FHIT: variants seen among roughly 807,000 people sequenced by gnomAD.
The protein encoded by FHIT is fragile histidine triad diadenosine triphosphatase, also known as bis(5'-adenosyl)-triphosphatase.
In FHIT, 19 loss-of-function variants were observed where a neutral mutation model predicts 17.9. That is an observed-to-expected ratio of 1.06 (90% CI 0.74 to 1.56). The LOEUF (loss-of-function observed/expected upper bound fraction) is 1.56, where lower values mean the gene tolerates loss of function less well. FHIT is among the 40% of genes most tolerant of loss of function. The pLI is 0.00. For synonymous variants in FHIT, 81 were observed against 69.7 expected (o/e 1.16, Z -0.81); for missense variants, 248 against 189.2 (o/e 1.31, Z -1.82).
chr3:60,662,739 A>T (rs560031996), intron 4 of FHIT, among the ~76,000 whole-genome samples: 3 of 152,088 alleles, frequency 2.0e-5, no homozygotes, highest in East Asian at 3.9e-4. Flanking sequence ...AGTGTTTTGT[A>T]GTTTTCCTTG....
At chr3:60,708,153 A>G (rs1464020218) in intron 4 of FHIT, among the ~76,000 whole-genome samples, 1 of 152,208 alleles carries the variant, frequency 6.6e-6, no homozygotes, top group Non-Finnish European at 1.5e-5. Flanking sequence ...ATTTTATCCT[A>G]GTAATTATGG....
At chr3:59,839,160 T>C (rs1701441091) in intron 8 of FHIT, among the ~76,000 whole-genome samples, 1 of 151,422 alleles carries the variant, frequency 6.6e-6, no homozygotes, top group Non-Finnish European at 1.5e-5. Context: ...CTACTAAAAA[T>C]GCAAAAAAAT....
intron 2 of FHIT, among the ~76,000 whole-genome samples, chr3:61,181,893 T>C (rs977969823): frequency 6.6e-6 from 1 of 152,206 alleles, no homozygotes; most frequent in African/African-American, 2.4e-5. Context: ...TACATTTCTG[T>C]TCTATAAGTG....
At chr3:60,102,255 G>A (rs758329498) in intron 5 of FHIT, among the ~76,000 whole-genome samples, 1 of 152,180 alleles carries the variant, frequency 6.6e-6, no homozygotes, top group African/African-American at 2.4e-5. Context: ...GCTGAGGGCC[G>A]CCAATGTTGG....
intron 4 of FHIT, among the ~76,000 whole-genome samples, chr3:60,643,523 A>C (rs1273030802): frequency 1.2e-4 from 19 of 152,210 alleles, no homozygotes; most frequent in African/African-American, 3.9e-4. Flanking sequence ...AGTGATCTTA[A>C]CTGTACCAAG....
intron 3 of FHIT, among the ~76,000 whole-genome samples, chr3:60,926,751 T>C (rs1707639983): frequency 1.3e-5 from 2 of 152,058 alleles, no homozygotes; most frequent in Non-Finnish European, 2.9e-5. Flanking sequence ...CTTCAAAAAA[T>C]CAATGAATCC....
chr3:60,540,429 T>C (rs1467490353), intron 4 of FHIT, among the ~76,000 whole-genome samples: 2 of 152,202 alleles, frequency 1.3e-5, no homozygotes, highest in African/African-American at 4.8e-5. Context: ...GCAACTGGTG[T>C]CTGAAAGTCA....
At chr3:59,781,499 C>A (rs1702580476) in intron 8 of FHIT, among the ~76,000 whole-genome samples, 1 of 152,140 alleles carries the variant, frequency 6.6e-6, no homozygotes, top group African/African-American at 2.4e-5. Context: ...AGCTAAAGTT[C>A]AACTTCTACC....
chr3:59,920,241 T>G (rs1705336419), intron 8 of FHIT, among the ~76,000 whole-genome samples: 1 of 152,232 alleles, frequency 6.6e-6, no homozygotes, highest in Non-Finnish European at 1.5e-5. Context: ...CCACTGGGAT[T>G]TGAACTTACT....
chr3:60,023,410 G>A (rs902875392), intron 5 of FHIT, among the ~76,000 whole-genome samples: 1 of 152,170 alleles, frequency 6.6e-6, no homozygotes, highest in Non-Finnish European at 1.5e-5. Context: ...CCATAGGGTG[G>A]CTAGAGTGAA....
chr3:60,233,523 C>T (rs940610001), intron 5 of FHIT, among the ~76,000 whole-genome samples: 4 of 152,132 alleles, frequency 2.6e-5, no homozygotes, highest in Non-Finnish European at 4.4e-5. Context: ...CTTCCCTCCC[C>T]GCTCTCCTCC....
In FHIT at chr3:60,369,506, G is replaced by T. The variant is rs111892279; in HGVS notation, c.103+167354C>A. ...ATAATTATGAATGATATATCCCAAG[G>T]TGTCTGGATTATCTTTTCTTCCCTT... is the stretch of plus-strand genomic sequence containing the variant. On this transcript the variant is annotated intron_variant, in intron 5 of 9. Coordinates refer to ENST00000492590, the MANE Select transcript of FHIT (RefSeq NM_002012.4). 8.6e-3 allele frequency among the ~76,000 whole-genome samples: 1,314 copies of T among 152,174 alleles called. 24 individuals carry two copies. Among genetic ancestry groups the T allele is most frequent in the African/African-American group, 0.03 (1,231 of 41,492 alleles).
At chr3:60,947,733 A>C (rs898536156) in intron 3 of FHIT, among the ~76,000 whole-genome samples, 1 of 152,310 alleles carries the variant, frequency 6.6e-6, no homozygotes, top group African/African-American at 2.4e-5. Context: ...ACAACTGTCC[A>C]TCTGCACCCA....
intron 3 of FHIT, among the ~76,000 whole-genome samples, chr3:60,878,674 G>A (rs1390856798): frequency 6.6e-6 from 1 of 151,456 alleles, no homozygotes; most frequent in Admixed American, 6.6e-5. Context: ...GGTGTGTGAT[G>A]TTCCCCTTCC....
rs993395293 is a variant in FHIT at position 60,386,865 on chromosome 3, A to G, written c.103+149995T>C. On this transcript the variant is annotated intron_variant, in intron 5 of 9. Coordinates refer to ENST00000492590, the MANE Select transcript of FHIT (RefSeq NM_002012.4). ...AACAGAACTATGTCCACTATAGCGT[A>G]AACACAATGAGGGCTCAGAGTGGAC... Among the ~76,000 whole-genome samples the G allele has an allele frequency of 5.3e-5, 8 of 152,154 alleles. 1 individual carries two copies. Among genetic ancestry groups the G allele is most frequent in the Admixed American group, 3.9e-4 (6 of 15,274 alleles).
intron 5 of FHIT, among the ~76,000 whole-genome samples, chr3:60,410,260 C>T (rs116527419): frequency 1.1e-3 from 164 of 152,140 alleles, no homozygotes; most frequent in African/African-American, 3.7e-3. Context: ...GCAAGTTATC[C>T]AGATGGTACA....
intron 5 of FHIT, among the ~76,000 whole-genome samples, chr3:60,505,059 G>T (rs1311745518): frequency 6.7e-6 from 1 of 149,006 alleles, no homozygotes; most frequent in Non-Finnish European, 1.5e-5. Flanking sequence ...AACTATTTTG[G>T]ACATTTGTCA....
At chr3:60,115,649 A>C (rs1269893764) in intron 5 of FHIT, among the ~76,000 whole-genome samples, 1 of 152,212 alleles carries the variant, frequency 6.6e-6, no homozygotes, top group Non-Finnish European at 1.5e-5. Context: ...TCACAGTTTT[A>C]TGTATAACCA....
chr3:60,336,414 A>T lies in FHIT; in HGVS notation c.103+200446T>A, dbSNP rs539906363. 2.6e-5 allele frequency among the ~76,000 whole-genome samples: 4 copies of T among 152,368 alleles called. No individual in the cohort carries two copies. The East Asian group carries it at 5.8e-4, about 22-fold the overall frequency. On this transcript the variant is annotated intron_variant, in intron 5 of 9. Transcript: ENST00000492590. ...TGAATGCCTATGAAAAGAGTGGTTA[A>T]AAGTCAGCTGTTAAAGAATGGCTTT... is the stretch of plus-strand genomic sequence containing the variant.
Sources: gnomAD v4.1 joint callset for allele counts (sites outside exome capture counted in the v4.1 genomes callset) on GRCh38, gnomAD v4.1.1 for gene constraint, MANE v1.5 for transcripts, NCBI Gene and HGNC (gene_info 2026-07-23, HGNC 2026-07-21) for gene names.